Variants in C8G observed in about 807,000 individuals in gnomAD.
C8G encodes complement component C8 gamma chain.
A neutral mutation model predicts 29.1 loss-of-function variants in C8G; 38 were observed. The observed-to-expected ratio is 1.31, with a 90% CI of 1.01 to 1.71. The LOEUF is 1.71. Ranked by LOEUF, C8G falls within the 40% of genes most tolerant of loss-of-function variation. C8G has a pLI of 0.00. For synonymous variants in C8G, 158 were observed against 113.2 expected (o/e 1.40, Z -2.51); for missense variants, 300 against 267.4 (o/e 1.12, Z -0.85).
rs201974346 is a variant in C8G at position 136,945,919 on chromosome 9, G to GCC, written c.276-4_276-3dup. 7 of 1,555,816 alleles carry GCC rather than the reference G, an allele frequency of 4.5e-6. No individual in the cohort carries two copies. Among genetic ancestry groups the GCC allele is most frequent in the South Asian group, 1.2e-5 (1 of 84,694 alleles). ...TCCCAGCCTGTGGTGCCTCCTCCCCGCCCCCCCAGGGATGGGATCTGCTGG... is the reference window on the plus strand; with the variant it reads ...TCCCAGCCTGTGGTGCCTCCTCCCCGCCCCCCCCCAGGGATGGGATCTGCTGG... On this transcript the variant is annotated splice_polypyrimidine_tract_variant and intron_variant, in intron 2 of 6. Transcript: ENST00000371634.
At chr9:136,946,314 T>A (rs1851037771) in intron 4 of C8G, 122 bp downstream of exon 4, 1 of 1,378,364 alleles carries the variant, frequency 7.3e-7, no homozygotes, top group Admixed American at 2.7e-5. Context: ...CTGATCCTCC[T>A]GCTAAGCAGG....
At chr9:136,946,720 G>C (rs116049569) in intron 6 of C8G, 31 bp downstream of exon 6, 1 of 1,610,218 alleles carries the variant, frequency 6.2e-7, no homozygotes, top group African/African-American at 1.3e-5. Flanking sequence ...GCATGGCGGC[G>C]TGGTGAGGGG....
rs1850991575 is a variant in C8G at position 136,945,276 on chromosome 9, G to A, written c.-45G>A. 1.3e-6 allele frequency: 2 copies of A among 1,552,846 alleles called. No individual in the cohort carries two copies. The highest frequency in any genetic ancestry group is 1.7e-6 in the Non-Finnish European group (2 of 1,146,212). On this transcript the variant is annotated 5_prime_UTR_variant, in exon 1 of 7. Coordinates refer to ENST00000371634, the MANE Select transcript of C8G (RefSeq NM_000606.3). ...AGACTCTGTCCTGGGACTTGGTGGTGCTACCCTTGGCCTCCCACAGTCCTG... is the reference window on the plus strand; with the variant it reads ...AGACTCTGTCCTGGGACTTGGTGGTACTACCCTTGGCCTCCCACAGTCCTG...
chr9:136,946,471 C>T lies in C8G; in HGVS notation c.461C>T (p.Ser154Leu), dbSNP rs1191718003. Reference protein sequence around the residue: ...GQLSVKLYARSLPVSDSVLSG... With the variant: ...GQLSVKLYARLLPVSDSVLSG... ...AACCCTGTCTGCCCTGCAGCCCGCT[C>T]GCTCCCTGTGAGCGACTCGGTCCTG... The change falls in exon 5 of 7, where the codon TCG becomes TTG. Residue 154 changes from serine to leucine, a missense_variant. Coordinates refer to ENST00000371634, the MANE Select transcript of C8G (RefSeq NM_000606.3). The T allele has an allele frequency of 1.2e-6, 2 of 1,604,360 alleles. No individual in the cohort carries two copies. Among genetic ancestry groups the T allele is most frequent in the South Asian group, 2.2e-5 (2 of 89,832 alleles).
chr9:136,946,089 A>C lies in C8G; in HGVS notation c.351A>C (p.Arg117=), dbSNP rs1450654268. The C allele has an allele frequency of 1.2e-6, 2 of 1,605,884 alleles. No individual in the cohort carries two copies. Among genetic ancestry groups the C allele is most frequent in the East Asian group, 4.5e-5 (2 of 44,742 alleles). ...GCTACTGTGGCTCTGCCCCAGCCCG[A>C]GACGCCCGAGGGGCTGTGCACGTGG... ...GVLGRFLLQA[R]DARGAVHVVV... is the part of the protein sequence containing the mutation. Residue 117 remains arginine, a synonymous_variant, in exon 4 of 7, where the codon CGA becomes CGC. Coordinates refer to ENST00000371634, the MANE Select transcript of C8G (RefSeq NM_000606.3).
In C8G at chr9:136,946,579, A is replaced by G. The variant is rs1851048313; in HGVS notation, c.556+13A>G. Reference sequence around the variant, plus strand: ...TTCCCCAAGTACGGTGAGTGTCCCCAGCAGGTCCCCAGCTCAGCCACCCCC... The same window carrying G: ...TTCCCCAAGTACGGTGAGTGTCCCCGGCAGGTCCCCAGCTCAGCCACCCCC... On this transcript the variant is annotated intron_variant, in intron 5 of 6. Coordinates refer to ENST00000371634, the MANE Select transcript of C8G (RefSeq NM_000606.3). 6.2e-7 allele frequency: 1 copy of G among 1,612,602 alleles called. No individual in the cohort carries two copies. Among genetic ancestry groups the G allele is most frequent in the African/African-American group, 1.3e-5 (1 of 74,902 alleles).
rs1453079731 is a variant in C8G at position 136,945,977 on chromosome 9, C to T, written c.324C>T (p.Val108=). ...GCCAGCTCTATGGAGACACAGGGGT[C>T]CTCGGCCGCTTCCTGCTTCAAGGTG... is the stretch of plus-strand genomic sequence containing the variant. The part of the protein sequence containing the change: ...QVRQLYGDTG[V]LGRFLLQARD... Residue 108 remains valine, a synonymous_variant, in exon 3 of 7, where the codon GTC becomes GTT. Coordinates refer to ENST00000371634, the MANE Select transcript of C8G (RefSeq NM_000606.3). 4 of 1,576,576 alleles carry T rather than the reference C, an allele frequency of 2.5e-6. No homozygotes were observed. The highest frequency in any genetic ancestry group is 1.9e-5 in the Admixed American group (1 of 53,998).
At chr9:136,946,330 A>G in intron 4 of C8G, 135 bp from the exon 5 acceptor site, 6 of 1,389,676 alleles carry the variant, frequency 4.3e-6, no homozygotes, top group Non-Finnish European at 5.8e-6. Flanking sequence ...GCAGGGGCCC[A>G]GGGAGTAGTG....
In C8G at chr9:136,945,999, G is replaced by A. The variant is rs1178524468; in HGVS notation, c.346G>A (p.Ala116Thr). ...TGVLGRFLLQ[A>T]RDARGAVHVV... ...GGTCCTCGGCCGCTTCCTGCTTCAAGGTGAGGCAGGGGCTGCAGGGCATGT... is the reference window on the plus strand; with the variant it reads ...GGTCCTCGGCCGCTTCCTGCTTCAAAGTGAGGCAGGGGCTGCAGGGCATGT... Residue 116 changes from alanine to threonine, a missense_variant and splice_region_variant, in exon 3 of 7, where the codon GCC (alanine) becomes ACC (threonine). By Grantham distance (58) the Ala-to-Thr change is moderately conservative. Transcript: ENST00000371634. 2.5e-6 allele frequency: 4 copies of A among 1,586,508 alleles called. No homozygotes were observed. In the African/African-American group the frequency reaches 5.4e-5, roughly 21 times the overall value.
At chr9:136,945,826 C>T (rs1851017529) in intron 2 of C8G, 56 bp downstream of exon 2, 3 of 1,539,732 alleles carry the variant, frequency 1.9e-6, no homozygotes, top group African/African-American at 1.4e-5. Context: ...AGCCCCCGGA[C>T]TTCAGCCCTG....
chr9:136,946,028 T>A, intron 3 of C8G, 29 bp downstream of exon 3: 1 of 1,594,430 alleles, frequency 6.3e-7, no homozygotes, highest in Non-Finnish European at 8.5e-7. Flanking sequence ...GGCATGTGGG[T>A]GGGGGATGAC....
Position 136,945,983 on chromosome 9 carries a change from C to T in C8G, c.330C>T (p.Gly110=). The T allele has an allele frequency of 1.9e-6, 3 of 1,579,172 alleles. No individual in the cohort carries two copies. Among genetic ancestry groups the T allele is most frequent in the East Asian group, 2.3e-5 (1 of 43,040 alleles). The change falls in exon 3 of 7, where the codon GGC becomes GGT. Residue 110 remains glycine, a synonymous_variant. Coordinates refer to ENST00000371634, the MANE Select transcript of C8G (RefSeq NM_000606.3). The part of the protein sequence containing the change: ...RQLYGDTGVL[G]RFLLQARDAR... ...TCTATGGAGACACAGGGGTCCTCGGCCGCTTCCTGCTTCAAGGTGAGGCAG... is the reference window on the plus strand; with the variant it reads ...TCTATGGAGACACAGGGGTCCTCGGTCGCTTCCTGCTTCAAGGTGAGGCAG...
chr9:136,945,608 C>T (rs529741523), intron 1 of C8G, 26 bp from the exon 2 acceptor site: 29 of 1,602,206 alleles, frequency 1.8e-5, no homozygotes, highest in African/African-American at 9.3e-5. Context: ...ACAGTGCCCT[C>T]GAGTTCTCCC....
At chr9:136,945,540 A>G in intron 1 of C8G, 82 bp downstream of exon 1, 1 of 1,525,932 alleles carries the variant, frequency 6.6e-7, no homozygotes, top group South Asian at 1.2e-5. Flanking sequence ...GTTGCGGGGG[A>G]GAGGGAAGCA....
Position 136,945,661 on chromosome 9 carries a change from G to T in C8G, c.166G>T (p.Val56Leu), listed in dbSNP as rs376788659. 8.1e-6 allele frequency: 13 copies of T among 1,608,984 alleles called. No individual in the cohort carries two copies. The highest frequency in any genetic ancestry group is 1.8e-4 in the Middle Eastern group (1 of 5,710). ...TGCAGGGACCTGGCTCCTTGTGGCT[G>T]TGGGCTCCGCTTGCCGTTTCCTGCA... Reference protein sequence around the residue: ...QFAGTWLLVAVGSACRFLQEQ... With the variant: ...QFAGTWLLVALGSACRFLQEQ... Residue 56 changes from valine (V) to leucine (L), a missense_variant, in exon 2 of 7, where the codon GTG becomes TTG. Transcript: ENST00000371634.
At position 136,945,539 on chromosome 9, in the gene C8G, G is replaced by A. The variant is rs974191872; in HGVS notation, c.138+81G>A. ...GAGACAGGTAGAAGTTGTTGCGGGG[G>A]AGAGGGAAGCAGGTGAAGTTGTGGG... On this transcript the variant is annotated intron_variant, in intron 1 of 6. Coordinates refer to ENST00000371634, the MANE Select transcript of C8G (RefSeq NM_000606.3). 3.4e-5 allele frequency: 53 copies of A among 1,546,240 alleles called. 1 individual carries two copies. The Admixed American group carries it at 9.4e-4, about 27-fold the overall frequency.
In C8G at chr9:136,945,735, G is replaced by A. The variant is rs759433769; in HGVS notation, c.240G>A (p.Gln80=). The A allele has an allele frequency of 1.9e-6, 3 of 1,572,186 alleles. No individual in the cohort carries two copies. The highest frequency in any genetic ancestry group is 2.6e-6 in the Non-Finnish European group (3 of 1,161,028). Residue 80 remains glutamine (Q), a synonymous_variant, in exon 2 of 7, where the codon CAG becomes CAA. Coordinates refer to ENST00000371634, the MANE Select transcript of C8G (RefSeq NM_000606.3). ...CCACCACACTGCATGTGGCTCCCCA[G>A]GGCACAGCCATGGCTGTCAGTACCT... ...AEATTLHVAP[Q]GTAMAVSTFR...
rs189056036 is a variant in C8G, at chr9:136,945,695, G to A, written c.200G>A (p.Gly67Asp). ...GSACRFLQEQ[G>D]HRAEATTLHV... Reference sequence around the variant, plus strand: ...GCTTGCCGTTTCCTGCAGGAGCAGGGCCACCGGGCCGAGGCCACCACACTG... The same window carrying A: ...GCTTGCCGTTTCCTGCAGGAGCAGGACCACCGGGCCGAGGCCACCACACTG... The change falls in exon 2 of 7, where the codon GGC (glycine) becomes GAC (aspartate). Residue 67 changes from glycine to aspartate, a missense_variant. Transcript: ENST00000371634. 74 of 1,599,130 alleles carry A rather than the reference G, an allele frequency of 4.6e-5. No individual in the cohort carries two copies. The African/African-American group carries it at 8.4e-4, about 18-fold the overall frequency.
intron 2 of C8G, 68 bp downstream of exon 2, chr9:136,945,838 T>G: frequency 6.5e-7 from 1 of 1,542,312 alleles, no homozygotes; most frequent in Non-Finnish European, 8.8e-7. Flanking sequence ...TCAGCCCTGC[T>G]CTGGCCCCTG....
Sources: allele counts gnomAD v4.1 joint callset, GRCh38; gene constraint gnomAD v4.1.1; transcripts MANE v1.5; gene names NCBI Gene and HGNC (gene_info 2026-07-23, HGNC 2026-07-21).